The following OR3A2 variants were observed in gnomAD, a reference collection of about 807,000 sequenced individuals.
OR3A2 encodes the protein olfactory receptor family 3 subfamily A member 2, also known as olfactory receptor 3A2.
For missense variants in OR3A2, 318 were observed against 392.8 expected, an observed-to-expected ratio of 0.81 and a Z score of 1.61; for synonymous variants, 126 against 159.3, an observed-to-expected ratio of 0.79 and a Z score of 1.57.
At chr17:3,380,606 G>A (rs1807916534) in intron 2 of OR3A2, among the ~76,000 whole-genome samples, 1 of 152,162 alleles carries the variant, frequency 6.6e-6, no homozygotes, top group Non-Finnish European at 1.5e-5. Context: ...ATACATTATT[G>A]AAGACAAATG....
intron 2 of OR3A2, among the ~76,000 whole-genome samples, chr17:3,358,261 G>A (rs978963863): frequency 4.6e-5 from 7 of 151,798 alleles, no homozygotes; most frequent in Non-Finnish European, 7.4e-5. Flanking sequence ...TGGTTTTCTT[G>A]TGTCTTGATT....
intron 2 of OR3A2, among the ~76,000 whole-genome samples, chr17:3,372,605 C>T (rs910640306): frequency 5.3e-5 from 8 of 152,106 alleles, no homozygotes; most frequent in Admixed American, 1.3e-4. Context: ...GCGGATCACT[C>T]GCGGTTAGGA....
chr17:3,353,852 T>C (rs1449809065), intron 2 of OR3A2, among the ~76,000 whole-genome samples: 1 of 150,804 alleles, frequency 6.6e-6, no homozygotes, highest in African/African-American at 2.5e-5. Flanking sequence ...AAATATACCA[T>C]TAAGTTATTA....
At chr17:3,297,984 T>C (rs2048933288) in intron 3 of OR3A2, among the ~76,000 whole-genome samples, 1 of 151,602 alleles carries the variant, frequency 6.6e-6, no homozygotes, top group Non-Finnish European at 1.5e-5. Flanking sequence ...TGTTCTTCTT[T>C]TTTATTAGTT....
At chr17:3,288,246 C>CAAAAAAAAA, upstream of OR3A2, among the ~76,000 whole-genome samples, 6 of 73,486 alleles carry the variant, frequency 8.2e-5, no homozygotes, top group African/African-American at 9.0e-5. Context: ...ACCAAAAGGG[C>CAAAAAAAAA]AAAAAAAAAA....
At chr17:3,338,411 T>C (rs1030829891) in intron 2 of OR3A2, among the ~76,000 whole-genome samples, 1 of 152,118 alleles carries the variant, frequency 6.6e-6, no homozygotes, top group Non-Finnish European at 1.5e-5. Flanking sequence ...TTAGGCCTAA[T>C]ATTTAAGTCT....
At chr17:3,297,965 T>C (rs536625397) in intron 3 of OR3A2, among the ~76,000 whole-genome samples, 2 of 151,642 alleles carry the variant, frequency 1.3e-5, no homozygotes, top group African/African-American at 4.8e-5. Flanking sequence ...TGGCGTGGGG[T>C]TTCTTTGTTG....
chr17:3,341,951 C>G (rs750984791), intron 2 of OR3A2, among the ~76,000 whole-genome samples: 2 of 152,172 alleles, frequency 1.3e-5, no homozygotes, highest in Non-Finnish European at 1.5e-5. Flanking sequence ...TTCTTGAAGG[C>G]TTTGTTCGTT....
At chr17:3,367,277 C>T (rs1356481175) in intron 2 of OR3A2, among the ~76,000 whole-genome samples, 2 of 152,014 alleles carry the variant, frequency 1.3e-5, no homozygotes, top group Admixed American at 6.5e-5. Flanking sequence ...AGAAGTTATT[C>T]GGTAGTGATT....
intron 3 of OR3A2, among the ~76,000 whole-genome samples, chr17:3,290,043 CCTT>C (rs1469108005): frequency 3.3e-5 from 5 of 152,066 alleles, no homozygotes; most frequent in Non-Finnish European, 7.4e-5. Flanking sequence ...ATCTAGTAAA[CCTT>C]CTTCCTGACA....
At chr17:3,281,970 A>G (rs1225567155) in intron 1 of OR3A2, among the ~76,000 whole-genome samples, 3 of 152,184 alleles carry the variant, frequency 2.0e-5, no homozygotes, top group Admixed American at 6.5e-5. Flanking sequence ...CCCAGCCAGG[A>G]CAGAGAACTC....
chr17:3,376,249 AAG>A (rs2049682438), intron 2 of OR3A2, among the ~76,000 whole-genome samples: 1 of 152,220 alleles, frequency 6.6e-6, no homozygotes, highest in Admixed American at 6.5e-5. Flanking sequence ...TGGCACTTTC[AAG>A]AGAGCACCAG....
chr17:3,326,474 G>C lies in OR3A2; in HGVS notation c.-85+9559C>G, dbSNP rs561528527. 2.6e-5 allele frequency among the ~76,000 whole-genome samples: 4 copies of C among 152,048 alleles called. No homozygotes were observed. The East Asian group carries it at 7.7e-4, about 29-fold the overall frequency. On this transcript the variant is annotated intron_variant, in intron 3 of 4. Coordinates refer to the OR3A2 transcript ENST00000573491. ...CTGCAGCAGAGGAACATAAATTGTG[G>C]AGATTTCATTTTAATATGGACATTT... is the stretch of plus-strand genomic sequence containing the variant.
intron 3 of OR3A2, among the ~76,000 whole-genome samples, chr17:3,318,919 GA>G (rs1488133701): frequency 6.6e-6 from 1 of 151,956 alleles, no homozygotes; most frequent in Non-Finnish European, 1.5e-5. Context: ...TGTGATCAGT[GA>G]ATCTCTATTT....
At chr17:3,298,622 G>GT (rs2048939482) in intron 3 of OR3A2, among the ~76,000 whole-genome samples, 1 of 152,188 alleles carries the variant, frequency 6.6e-6, no homozygotes, top group South Asian at 2.1e-4. Flanking sequence ...TCTTTCTCTA[G>GT]TAAGTCCTCC....
At chr17:3,306,935 C>A (rs2049004806) in intron 3 of OR3A2, among the ~76,000 whole-genome samples, 1 of 152,188 alleles carries the variant, frequency 6.6e-6, no homozygotes, top group African/African-American at 2.4e-5. Flanking sequence ...AGTTTTTCCA[C>A]AACAAGGCAT....
At chr17:3,372,578 T>C (rs2049639679) in intron 2 of OR3A2, among the ~76,000 whole-genome samples, 1 of 152,004 alleles carries the variant, frequency 6.6e-6, no homozygotes, top group Admixed American at 6.6e-5. Flanking sequence ...TCCCGGCACC[T>C]CGGGAGGCCG....
At chr17:3,385,524 G>A (rs2049770300) in intron 1 of OR3A2, among the ~76,000 whole-genome samples, 1 of 152,144 alleles carries the variant, frequency 6.6e-6, no homozygotes. Context: ...TTATATGCCA[G>A]GCACTGTGCG....
intron 3 of OR3A2, among the ~76,000 whole-genome samples, chr17:3,325,292 C>T (rs1256618058): frequency 6.7e-6 from 1 of 149,764 alleles, no homozygotes. Context: ...TCACTGCAAC[C>T]TCCACCTCCC....
Sources: gnomAD v4.1 joint callset for allele counts (sites outside exome capture counted in the v4.1 genomes callset) on GRCh38, gnomAD v4.1.1 for gene constraint, MANE v1.5 for transcripts, NCBI Gene and HGNC (gene_info 2026-07-23, HGNC 2026-07-21) for gene names.